The following VEGFC variants were observed in gnomAD, a reference collection of about 807,000 sequenced individuals.
VEGFC encodes vascular endothelial growth factor C, also known as FLT4 ligand DHM.
In VEGFC, 12 loss-of-function variants were observed where a neutral mutation model predicts 46.1. That is an observed-to-expected ratio of 0.26 (90% confidence interval 0.17 to 0.42). The LOEUF (loss-of-function observed/expected upper bound fraction) is 0.42, where lower values mean the gene tolerates loss of function less well. Among genes scored for constraint, VEGFC ranks in the 10% least tolerant of loss-of-function variants. The probability of loss-of-function intolerance (pLI) is 1.00; values close to 1 mark genes in which losing one functional copy is unlikely to be tolerated. For missense variants in VEGFC, 488 were observed against 529.4 expected, an observed-to-expected ratio of 0.92 and a Z score of 0.77; for synonymous variants, 232 against 195.5, an observed-to-expected ratio of 1.19 and a Z score of -1.56.
chr4:176,756,362 T>C (rs1017220186), intron 1 of VEGFC, among the ~76,000 whole-genome samples: 2 of 151,910 alleles, frequency 1.3e-5, no homozygotes, highest in African/African-American at 4.8e-5. Flanking sequence ...AAACAATAAA[T>C]GAAGAAAATG....
chr4:176,770,257 T>C (rs889185328), intron 1 of VEGFC, among the ~76,000 whole-genome samples: 20 of 152,332 alleles, frequency 1.3e-4, no homozygotes, highest in African/African-American at 4.6e-4. Flanking sequence ...CAGTCAGTAT[T>C]ATTGTTTAAA....
chr4:176,718,738 G>C (rs1279184899), intron 3 of VEGFC, among the ~76,000 whole-genome samples: 2 of 152,052 alleles, frequency 1.3e-5, no homozygotes, highest in East Asian at 3.9e-4. Flanking sequence ...AGACTCTAGA[G>C]ATTGAGCTGT....
intron 1 of VEGFC, among the ~76,000 whole-genome samples, chr4:176,736,589 TA>T (rs1336664096): frequency 6.6e-6 from 1 of 151,826 alleles, no homozygotes; most frequent in Non-Finnish European, 1.5e-5. Flanking sequence ...AGTATTAAGA[TA>T]TTTTCTCTGA....
At chr4:176,720,553 A>G (rs1215062604) in intron 3 of VEGFC, among the ~76,000 whole-genome samples, 2 of 152,122 alleles carry the variant, frequency 1.3e-5, no homozygotes, top group Admixed American at 1.3e-4. Context: ...AACCTATGGA[A>G]TAAGACTGGG....
intron 4 of VEGFC, among the ~76,000 whole-genome samples, chr4:176,688,797 A>C (rs1734094779): frequency 6.6e-6 from 1 of 152,120 alleles, no homozygotes; most frequent in Non-Finnish European, 1.5e-5. Context: ...GGGTGAACAT[A>C]TATCACAAGC....
intron 1 of VEGFC, among the ~76,000 whole-genome samples, chr4:176,757,448 A>G (rs1489825181): frequency 1.3e-5 from 2 of 152,134 alleles, no homozygotes; most frequent in Non-Finnish European, 2.9e-5. Context: ...GCATAAAACT[A>G]TAATGGGTAA....
At chr4:176,774,365 A>G (rs1303814426) in intron 1 of VEGFC, among the ~76,000 whole-genome samples, 1 of 147,430 alleles carries the variant, frequency 6.8e-6, no homozygotes, top group African/African-American at 2.7e-5. Context: ...AATAAAATAG[A>G]GAAGAATATG....
intron 3 of VEGFC, among the ~76,000 whole-genome samples, chr4:176,720,045 G>C (rs1394023122): frequency 6.6e-6 from 1 of 151,576 alleles, no homozygotes. Flanking sequence ...GGTGACAAGA[G>C]TGAGACTCCG....
At position 176,729,736 on chromosome 4, in the gene VEGFC, C is replaced by A; in HGVS notation, c.158G>T (p.Ser53Ile). The A allele has an allele frequency of 6.3e-7, 1 of 1,591,092 alleles. No homozygotes were observed. The highest frequency in any genetic ancestry group is 8.6e-7 in the Non-Finnish European group (1 of 1,168,988). ...CCGTAACTGCTCCTCCAGATCTTTG[C>A]TTGCATAAGCCTGTCAAAGAAAAAT... ...PDAGEATAYA[S>I]KDLEEQLRSV... is the part of the protein sequence containing the mutation. Residue 53 changes from serine to isoleucine, a missense_variant, in exon 2 of 7, where the codon AGC (serine) becomes ATC (isoleucine). Ser to Ile is a moderately radical substitution (Grantham distance 142). Coordinates refer to ENST00000618562, the MANE Select transcript of VEGFC (RefSeq NM_005429.5).
At chr4:176,759,326 T>TAAA (rs10643951) in intron 1 of VEGFC, among the ~76,000 whole-genome samples, 8,163 of 151,936 alleles carry the variant, frequency 0.054, 414 homozygotes, top group African/African-American at 0.12. Flanking sequence ...AAAAGATGAA[T>TAAA]AAAACTAAAG....
chr4:176,685,975 AAAT>A (rs1303693449), intron 6 of VEGFC, among the ~76,000 whole-genome samples: 1 of 152,226 alleles, frequency 6.6e-6, no homozygotes, highest in Non-Finnish European at 1.5e-5. Flanking sequence ...TACTGTGGAA[AAAT>A]AATAATGAAC....
At chr4:176,756,712 A>G (rs944812744) in intron 1 of VEGFC, among the ~76,000 whole-genome samples, 11 of 152,082 alleles carry the variant, frequency 7.2e-5, no homozygotes, top group Admixed American at 6.6e-4. Context: ...AGATGTAGAA[A>G]TGATATTATC....
At chr4:176,729,424 C>G in intron 2 of VEGFC, 109 bp downstream of exon 2, 1 of 858,960 alleles carries the variant, frequency 1.2e-6, no homozygotes, top group Non-Finnish European at 1.7e-6. Flanking sequence ...TTGCTTTCCG[C>G]CCTAAAGGTG....
chr4:176,687,454 C>T lies in VEGFC; in HGVS notation c.878G>A (p.Cys293Tyr). The change falls in exon 6 of 7, where the codon TGT (cysteine) becomes TAT (tyrosine). Residue 293 changes from cysteine (C) to tyrosine (Y), a missense_variant. By Grantham distance (194) the Cys-to-Tyr change is radical (BLOSUM62 -2). Coordinates refer to ENST00000618562, the MANE Select transcript of VEGFC (RefSeq NM_005429.5). Reference protein sequence around the residue: ...NKELDEETCQCVCRAGLRPAS... With the variant: ...NKELDEETCQYVCRAGLRPAS... ...AGGCCGAAGCCCCGCTCTGCAGACA[C>T]ACTGACAGGTCTCTTCATCCAGCTC... is the stretch of plus-strand genomic sequence containing the variant. 1 of 1,614,152 alleles carries T rather than the reference C, an allele frequency of 6.2e-7. No individual in the cohort carries two copies. Among genetic ancestry groups the T allele is most frequent in the South Asian group, 1.1e-5 (1 of 91,074 alleles).
rs1045401366 is a variant in VEGFC, at chr4:176,766,146, G to A, written c.147+26019C>T. 2.0e-5 allele frequency among the ~76,000 whole-genome samples: 3 copies of A among 152,188 alleles called. No homozygotes were observed. The South Asian group carries it at 6.2e-4, about 32-fold the overall frequency. ...AAACTTAAAAATGATTATATAATAG[G>A]ATAAATGCTATAAGGCCAAAATAGA... is the stretch of plus-strand genomic sequence containing the variant. On this transcript the variant is annotated intron_variant, in intron 1 of 6. Transcript: ENST00000618562.
At chr4:176,701,212 A>C (rs1275611390) in intron 4 of VEGFC, among the ~76,000 whole-genome samples, 1 of 152,208 alleles carries the variant, frequency 6.6e-6, no homozygotes, top group Non-Finnish European at 1.5e-5. Context: ...GTTATATGAA[A>C]ACTCTCTATA....
At chr4:176,732,111 T>C (rs1390213154) in intron 1 of VEGFC, among the ~76,000 whole-genome samples, 1 of 151,698 alleles carries the variant, frequency 6.6e-6, no homozygotes, top group African/African-American at 2.4e-5. Context: ...TAAAAGACAA[T>C]AAAGTACGAA....
At chr4:176,767,904 T>C (rs1735656601) in intron 1 of VEGFC, among the ~76,000 whole-genome samples, 2 of 152,090 alleles carry the variant, frequency 1.3e-5, no homozygotes, top group Non-Finnish European at 2.9e-5. Flanking sequence ...CGATGGTGGC[T>C]CAGGTCAGAG....
At chr4:176,767,914 G>C (rs933801515) in intron 1 of VEGFC, among the ~76,000 whole-genome samples, 1 of 152,170 alleles carries the variant, frequency 6.6e-6, no homozygotes, top group Non-Finnish European at 1.5e-5. Flanking sequence ...TCAGGTCAGA[G>C]ATGTAGCAAG....
Sources: gnomAD v4.1 joint callset for allele counts (sites outside exome capture counted in the v4.1 genomes callset) on GRCh38, gnomAD v4.1.1 for gene constraint, MANE v1.5 for transcripts, NCBI Gene and HGNC (gene_info 2026-07-23, HGNC 2026-07-21) for gene names.